The following AGR3 variants were observed in gnomAD, a reference collection of about 807,000 sequenced individuals.
AGR3 encodes anterior gradient 3, protein disulphide isomerase family member.
A neutral mutation model predicts 24.5 loss-of-function variants in AGR3; 37 were observed. The observed-to-expected ratio is 1.51, with a 90% CI of 1.16 to 1.99. The LOEUF is 1.99. Ranked by LOEUF, AGR3 falls within the 30% of genes most tolerant of loss-of-function variation. The pLI is 0.00. For synonymous variants in AGR3, 75 were observed against 61.6 expected, an observed-to-expected ratio of 1.22 and a Z score of -1.02; for missense variants, 228 against 191.1, an observed-to-expected ratio of 1.19 and a Z score of -1.14.
chr7:16,857,608 TTAAAA>T (rs1488247678), downstream of AGR3, among the ~76,000 whole-genome samples: 1 of 152,154 alleles, frequency 6.6e-6, no homozygotes, highest in African/African-American at 2.4e-5. Context: ...TTAGCATTCA[TTAAAA>T]TAAAAGCTCT....
At chr7:16,879,687 G>C (rs187425852) in intron 1 of AGR3, among the ~76,000 whole-genome samples, 143 of 152,330 alleles carry the variant, frequency 9.4e-4, no homozygotes, top group African/African-American at 3.2e-3. Context: ...AAAATGGCTA[G>C]TGACTGATTC....
intron 2 of AGR3, among the ~76,000 whole-genome samples, chr7:16,875,303 T>C (rs1781965681): frequency 6.6e-6 from 1 of 152,110 alleles, no homozygotes; most frequent in Admixed American, 6.6e-5. Flanking sequence ...CTAATCTACT[T>C]TCTGTCTCTA....
intron 6 of AGR3, among the ~76,000 whole-genome samples, chr7:16,860,926 A>T (rs1252801826): frequency 1.3e-5 from 2 of 152,086 alleles, no homozygotes; most frequent in Non-Finnish European, 2.9e-5. Context: ...TTCTGTGTTC[A>T]TTTGCTTAGG....
At chr7:16,859,401 T>C (rs913836857), downstream of AGR3, 9 of 531,560 alleles carry the variant, frequency 1.7e-5, no homozygotes, top group Admixed American at 3.4e-5. Flanking sequence ...AATAAAACTA[T>C]ATTGTCAGTC....
chr7:16,868,779 A>T (rs751700314), intron 3 of AGR3, among the ~76,000 whole-genome samples: 6 of 152,140 alleles, frequency 3.9e-5, no homozygotes, highest in Admixed American at 1.3e-4. Flanking sequence ...TTTAATTTTA[A>T]GTGGATTGTG....
intron 3 of AGR3, among the ~76,000 whole-genome samples, chr7:16,867,057 T>C (rs1476740619): frequency 6.6e-6 from 1 of 152,198 alleles, no homozygotes; most frequent in African/African-American, 2.4e-5. Context: ...TTTATTTTTG[T>C]ACCCCAGGTA....
chr7:16,880,072 C>CCCTTCCTTCCTTCCCCTTCCTTCCTTCT (rs1562553493), intron 1 of AGR3, among the ~76,000 whole-genome samples: 1 of 141,168 alleles, frequency 7.1e-6, no homozygotes, highest in African/African-American at 2.6e-5. Context: ...TCCTTCCTTC[C>CCCTTCCTTCCTTCCCCTTCCTTCCTTCT]CCTTCCTTCT....
At chr7:16,870,856 T>G (rs1781851473) in intron 3 of AGR3, among the ~76,000 whole-genome samples, 1 of 152,164 alleles carries the variant, frequency 6.6e-6, no homozygotes, top group Admixed American at 6.6e-5. Flanking sequence ...ACTTCTTTCT[T>G]TTCTAATGCT....
chr7:16,880,046 CTCCTTCCCTTCCCCT>C (rs1179860780), intron 1 of AGR3, among the ~76,000 whole-genome samples: 1 of 151,668 alleles, frequency 6.6e-6, no homozygotes, highest in Non-Finnish European at 1.5e-5. Flanking sequence ...TTGTCCCTCC[CTCCTTCCCTTCCCCT>C]TCCTTCCTTC....
Position 16,864,909 on chromosome 7 carries a change from A to G in AGR3, c.174-2247T>C. Reference sequence around the variant, plus strand: ...AACTTAGAAATTCACTGGCTCTCACAATATCATCAATTTCCATGAAGAAGT... The same window carrying G: ...AACTTAGAAATTCACTGGCTCTCACGATATCATCAATTTCCATGAAGAAGT... On this transcript the variant is annotated intron_variant, in intron 3 of 7. Transcript: ENST00000310398. 3 of 904,068 alleles carry G rather than the reference A, an allele frequency of 3.3e-6. No homozygotes were observed. The Admixed American group carries it at 5.1e-5, about 15-fold the overall frequency. The allele number at this position is 904,068 out of a possible 1,614,324, so 56.0% of individuals were successfully genotyped here.
At chr7:16,870,826 G>A (rs1459739460) in intron 3 of AGR3, among the ~76,000 whole-genome samples, 5 of 152,096 alleles carry the variant, frequency 3.3e-5, no homozygotes, top group Admixed American at 1.3e-4. Context: ...CCGATATTTG[G>A]AAGTGAGATT....
At chr7:16,869,332 C>G (rs2471906) in intron 3 of AGR3, among the ~76,000 whole-genome samples, 39,630 of 151,968 alleles carry the variant, frequency 0.26, 5,502 homozygotes, top group South Asian at 0.37. Flanking sequence ...GATTTAAAGT[C>G]TGTTTTATCT....
At position 16,859,581 on chromosome 7, in the gene AGR3, C is replaced by G; in HGVS notation, c.*1G>C. 6.4e-7 allele frequency: 1 copy of G among 1,552,536 alleles called. No homozygotes were observed. The stretch of plus-strand genomic sequence containing the variant: ...AAGTGAAGGCTTTTTTCCATCATCT[C>G]TTATAGCTCTGACTGAATAAGTCTT... On this transcript the variant is annotated 3_prime_UTR_variant, in exon 8 of 8. Transcript: ENST00000310398.
chr7:16,880,108 T>C (rs201475147), intron 1 of AGR3, among the ~76,000 whole-genome samples: 23 of 135,782 alleles, frequency 1.7e-4, no homozygotes, highest in Admixed American at 5.2e-4. Context: ...TCCTTCCTTC[T>C]TTCCTTCCTT....
At chr7:16,855,281 G>A (rs1276278133), downstream of AGR3, among the ~76,000 whole-genome samples, 1 of 152,100 alleles carries the variant, frequency 6.6e-6, no homozygotes, top group Non-Finnish European at 1.5e-5. Flanking sequence ...CTGAGGGATA[G>A]GACTTCAACC....
At chr7:16,872,142 A>G (rs903978030) in intron 3 of AGR3, among the ~76,000 whole-genome samples, 1 of 152,206 alleles carries the variant, frequency 6.6e-6, no homozygotes, top group South Asian at 2.1e-4. Context: ...GACTCCAAAT[A>G]GTTCAAAGCA....
At chr7:16,873,929 A>G in intron 2 of AGR3, 86 bp from the exon 3 acceptor site, 1 of 1,050,254 alleles carries the variant, frequency 9.5e-7, no homozygotes, top group Non-Finnish European at 1.5e-6. Flanking sequence ...ATATCTACCT[A>G]CAGATATTTA....
downstream of AGR3, among the ~76,000 whole-genome samples, chr7:16,857,306 T>G (rs1479609346): frequency 6.6e-6 from 1 of 152,190 alleles, no homozygotes; most frequent in African/African-American, 2.4e-5. Context: ...TATAACAACA[T>G]AGAAATATAT....
At chr7:16,859,386 G>T (rs755718905), downstream of AGR3, 2 of 490,110 alleles carry the variant, frequency 4.1e-6, no homozygotes, top group Non-Finnish European at 7.2e-6. Flanking sequence ...TACTGATGAG[G>T]CAGAAATAAA....
Sources: allele counts gnomAD v4.1 joint callset (sites outside exome capture counted in the v4.1 genomes callset), GRCh38; gene constraint gnomAD v4.1.1; transcripts MANE v1.5; gene names NCBI Gene and HGNC (gene_info 2026-07-23, HGNC 2026-07-21).